SIPA1L3: variants seen among roughly 807,000 people sequenced by gnomAD.
The protein encoded by SIPA1L3 is signal induced proliferation associated 1 like 3, also known as signal-induced proliferation-associated 1-like protein 3.
SIPA1L3 carries 59 observed loss-of-function variants against 150.1 expected under a neutral mutation model. The ratio of observed to expected loss-of-function variants is 0.39; its 90% confidence interval spans 0.32 to 0.49. The LOEUF is 0.49. SIPA1L3 is among the 20% of genes least tolerant of loss of function. SIPA1L3 has a pLI of 0.86. For missense variants in SIPA1L3, 2,211 were observed against 2,489.5 expected (o/e 0.89, Z 2.38); for synonymous variants, 1,070 against 1,077.6 (o/e 0.99, Z 0.14).
At chr19:37,934,563 T>C (rs148923847) in intron 1 of SIPA1L3, among the ~76,000 whole-genome samples, 6 of 152,326 alleles carry the variant, frequency 3.9e-5, no homozygotes, top group African/African-American at 1.2e-4. Flanking sequence ...GTGCTGTGTC[T>C]AGTGCATAGA....
In SIPA1L3 at chr19:37,973,556, C is replaced by CAG. The variant is rs1555772338; in HGVS notation, c.-378-55533_-378-55532insAG. Among the ~76,000 whole-genome samples, 4 of 40,950 alleles carry CAG rather than the reference C, an allele frequency of 9.8e-5. 1 individual carries two copies. The East Asian group carries it at 2.5e-3, about 26-fold the overall frequency. The allele number at this position is 40,950 out of a possible 152,430, so 26.9% of individuals were successfully genotyped here. A position where few individuals can be genotyped will look rare whatever the true frequency, so the allele number is the denominator to read the frequency against. On this transcript the variant is annotated intron_variant, in intron 1 of 21. Coordinates refer to ENST00000222345, the MANE Select transcript of SIPA1L3 (RefSeq NM_015073.3). ...GGCCAAAAAAAAAAAAAAAAAAAAG[C>CAG]GGGAGGGGGGCGCATCTTGAAGCAC...
intron 1 of SIPA1L3, among the ~76,000 whole-genome samples, chr19:37,944,825 C>T (rs554280110): frequency 6.6e-6 from 1 of 152,122 alleles, no homozygotes; most frequent in Admixed American, 6.5e-5. Flanking sequence ...TGGCAGGTCC[C>T]TCTAATCCCA....
intron 1 of SIPA1L3, among the ~76,000 whole-genome samples, chr19:37,958,689 T>C (rs1238444443): frequency 1.3e-5 from 2 of 152,034 alleles, no homozygotes; most frequent in Admixed American, 6.5e-5. Context: ...AATAGACACA[T>C]TGGACTTCAT....
At chr19:38,054,085 C>G (rs1430389689) in intron 2 of SIPA1L3, among the ~76,000 whole-genome samples, 1 of 152,106 alleles carries the variant, frequency 6.6e-6, no homozygotes, top group African/African-American at 2.4e-5. Flanking sequence ...TGGCTCATGC[C>G]TGTAATCCCA....
At chr19:38,000,985 CAT>C (rs986415898) in intron 1 of SIPA1L3, among the ~76,000 whole-genome samples, 18 of 146,366 alleles carry the variant, frequency 1.2e-4, no homozygotes, top group African/African-American at 3.3e-4. Context: ...ATATAACACA[CAT>C]ATATATAACA....
At chr19:38,008,382 C>T (rs1968014304) in intron 1 of SIPA1L3, among the ~76,000 whole-genome samples, 1 of 151,882 alleles carries the variant, frequency 6.6e-6, no homozygotes, top group South Asian at 2.1e-4. Context: ...CACCTGCCAC[C>T]ATGCCCAGCT....
intron 2 of SIPA1L3, among the ~76,000 whole-genome samples, chr19:38,055,280 G>A (rs1293094199): frequency 1.3e-5 from 2 of 152,146 alleles, no homozygotes. Context: ...TGGGGGCGGC[G>A]CCACTGTTGG....
At chr19:37,924,013 G>C (rs2046479564) in intron 1 of SIPA1L3, among the ~76,000 whole-genome samples, 1 of 152,122 alleles carries the variant, frequency 6.6e-6, no homozygotes, top group African/African-American at 2.4e-5. Flanking sequence ...ACCCTCTGGT[G>C]ATCTGCCTCC....
rs540587419 is a variant in SIPA1L3 at position 38,206,075 on chromosome 19, G to A, written c.5203-22G>A. On this transcript the variant is annotated intron_variant, in intron 21 of 21. Coordinates refer to ENST00000222345, the MANE Select transcript of SIPA1L3 (RefSeq NM_015073.3). ...GAGCGGCCAAGCCCACCCGCCTGATGCCAGCTTCCCACCCTGTGCAGGAGA... is the reference window on the plus strand; with the variant it reads ...GAGCGGCCAAGCCCACCCGCCTGATACCAGCTTCCCACCCTGTGCAGGAGA... 1.7e-4 allele frequency: 264 copies of A among 1,523,228 alleles called. 1 individual carries two copies. Among genetic ancestry groups the A allele is most frequent in the South Asian group, 1.1e-3 (90 of 81,958 alleles). 94.4% of individuals were successfully genotyped at this position (1,523,228 alleles called of 1,614,324 possible).
chr19:38,109,732 T>C (rs1433171151), intron 7 of SIPA1L3: 2 of 165,034 alleles, frequency 1.2e-5, no homozygotes, highest in Admixed American at 1.1e-4. Flanking sequence ...GTGAACAAAA[T>C]CCCTGTTCTC....
At chr19:38,044,894 C>T (rs565352576) in intron 2 of SIPA1L3, among the ~76,000 whole-genome samples, 3 of 152,144 alleles carry the variant, frequency 2.0e-5, no homozygotes, top group South Asian at 2.1e-4. Context: ...ACAGGACTGA[C>T]GTGGCATCCC....
chr19:38,019,519 G>T (rs1041724892), intron 1 of SIPA1L3, among the ~76,000 whole-genome samples: 5 of 152,204 alleles, frequency 3.3e-5, no homozygotes, highest in Admixed American at 6.5e-5. Flanking sequence ...TGCAAGGGAG[G>T]TTGGGAAATG....
chr19:38,042,922 C>A (rs1317536830), intron 2 of SIPA1L3, among the ~76,000 whole-genome samples: 1 of 152,174 alleles, frequency 6.6e-6, no homozygotes, highest in Non-Finnish European at 1.5e-5. Flanking sequence ...CTCAGCCATC[C>A]CCTTCTACCT....
intron 1 of SIPA1L3, among the ~76,000 whole-genome samples, chr19:37,989,946 G>A (rs970215779): frequency 8.5e-5 from 13 of 152,156 alleles, no homozygotes; most frequent in African/African-American, 2.9e-4. Context: ...TGGCTGAGCC[G>A]GGCCATTGGA....
intron 16 of SIPA1L3, among the ~76,000 whole-genome samples, chr19:38,183,475 T>G (rs1192863296): frequency 6.6e-6 from 1 of 151,888 alleles, no homozygotes. Context: ...TTGAGGATGG[T>G]GCGTCGTCTT....
At chr19:38,084,608 GTTTTTTTTTGTTGTTTTTTTCTTTTTC>G (rs1568541829) in intron 3 of SIPA1L3, among the ~76,000 whole-genome samples, 2 of 131,874 alleles carry the variant, frequency 1.5e-5, no homozygotes, top group Non-Finnish European at 3.1e-5. Context: ...CAGCAGCTAG[GTTTTTTTTTGTTGTTTTTTTCTTTTTC>G]TTTTTTTTTT....
chr19:38,056,315 G>A (rs1440677087), intron 2 of SIPA1L3, among the ~76,000 whole-genome samples: 1 of 152,190 alleles, frequency 6.6e-6, no homozygotes, highest in Non-Finnish European at 1.5e-5. Context: ...ACAGCCAGTC[G>A]GGCCACTGCC....
chr19:38,207,539 G>C lies in SIPA1L3; in HGVS notation c.*1299G>C, dbSNP rs1370155832. ...CCCCAACCTCAAGCTGAGGACCAAGGCGTGTCCCCTGTGGGCTGGGGGTCA... is the reference window on the plus strand; with the variant it reads ...CCCCAACCTCAAGCTGAGGACCAAGCCGTGTCCCCTGTGGGCTGGGGGTCA... On this transcript the variant is annotated 3_prime_UTR_variant, in exon 22 of 22. Transcript: ENST00000222345. The C allele has an allele frequency of 6.6e-6, 1 of 151,818 alleles. No individual in the cohort carries two copies. The highest frequency in any genetic ancestry group is 1.5e-5 in the Non-Finnish European group (1 of 67,962). 9.4% of individuals were successfully genotyped at this position (151,818 alleles called of 1,614,324 possible).
intron 2 of SIPA1L3, among the ~76,000 whole-genome samples, chr19:38,053,096 G>A (rs956473211): frequency 2.0e-5 from 3 of 152,238 alleles, no homozygotes; most frequent in African/African-American, 7.2e-5. Flanking sequence ...AGTGTGGGTG[G>A]GAGCTGTGCT....
Sources: allele counts gnomAD v4.1 joint callset (sites outside exome capture counted in the v4.1 genomes callset), GRCh38; gene constraint gnomAD v4.1.1; transcripts MANE v1.5; gene names NCBI Gene and HGNC (gene_info 2026-07-23, HGNC 2026-07-21).